ZNF836: variants seen among roughly 807,000 people sequenced by gnomAD.
ZNF836 encodes zinc finger protein 836.
Under a neutral mutation model 7.4 loss-of-function variants are expected in ZNF836, and 12 were observed. The observed-to-expected ratio is 1.61, with a 90% CI of 1.03 to 2.61. The LOEUF (loss-of-function observed/expected upper bound fraction) is 2.61. Ranked by LOEUF, ZNF836 falls within the 30% of genes most tolerant of loss-of-function variation. The pLI is 0.00. For synonymous variants in ZNF836, 365 were observed against 382.6 expected (o/e 0.95, Z 0.54); for missense variants, 998 against 1,126.2 (o/e 0.89, Z 1.63).
At position 52,155,062 on chromosome 19, in the gene ZNF836, A is replaced by C. The variant is rs779067655; in HGVS notation, c.2621T>G (p.Phe874Cys). Residue 874 changes from phenylalanine (F) to cysteine (C), a missense_variant, in exon 5 of 5, where the codon TTT becomes TGT. Phe to Cys is a radical substitution (Grantham distance 205, BLOSUM62 -2). Transcript: ENST00000682614. The part of the protein sequence containing the change: ...CIECGKAFGR[F>C]SCLNKHQMIH... The stretch of plus-strand genomic sequence containing the variant: ...CATTTGGTGTTTGTTGAGGCAAGAA[A>C]ACCGCCCAAAGGCCTTGCCACATTC... 5.0e-6 allele frequency: 8 copies of C among 1,614,036 alleles called. No homozygotes were observed. Among genetic ancestry groups the C allele is most frequent in the Admixed American group, 3.3e-5 (2 of 59,986 alleles).
At chr19:52,160,169 C>T (rs1004864689) in intron 4 of ZNF836, among the ~76,000 whole-genome samples, 4 of 140,938 alleles carry the variant, frequency 2.8e-5, no homozygotes, top group African/African-American at 1.1e-4. Context: ...GGAGACAAAG[C>T]TAGACTCTGT....
chr19:52,162,915 G>T (rs918111402), intron 3 of ZNF836, among the ~76,000 whole-genome samples: 2 of 152,164 alleles, frequency 1.3e-5, no homozygotes, highest in Non-Finnish European at 2.9e-5. Context: ...AGTTGATCAC[G>T]ATCCCTTTGG....
At chr19:52,160,641 A>G (rs1220979243) in intron 3 of ZNF836, 50 bp from the exon 4 acceptor site, 3 of 1,544,218 alleles carry the variant, frequency 1.9e-6, no homozygotes, top group African/African-American at 2.8e-5. Flanking sequence ...GCTCTTATCT[A>G]TACATAAAAT....
chr19:52,164,515 CTA>C (rs1175697335), intron 3 of ZNF836, among the ~76,000 whole-genome samples: 28 of 138,840 alleles, frequency 2.0e-4, no homozygotes, highest in African/African-American at 7.3e-4. Flanking sequence ...GAAAGAAAGA[CTA>C]GAGCTAAAAA....
intron 3 of ZNF836, among the ~76,000 whole-genome samples, chr19:52,166,295 C>T (rs769125607): frequency 4.0e-5 from 6 of 151,720 alleles, no homozygotes; most frequent in Non-Finnish European, 7.4e-5. Context: ...TGGCCAATGT[C>T]CTTTTTTAAG....
At position 52,155,456 on chromosome 19, in the gene ZNF836, T is replaced by C; in HGVS notation, c.2227A>G (p.Arg743Gly). Residue 743 changes from arginine (R) to glycine (G), a missense_variant, in exon 5 of 5, where the codon AGG (arginine) becomes GGG (glycine). Arg to Gly is a moderately radical substitution (Grantham distance 125). Transcript: ENST00000682614. ...HITGLTYHQR[R>G]HTGEMPYKCI... The stretch of plus-strand genomic sequence containing the variant: ...TTGTATGGCATCTCTCCAGTATGCC[T>C]TCTCTGATGGTACGTCAGGCCTGTT... The C allele has an allele frequency of 6.2e-7, 1 of 1,614,120 alleles. No individual in the cohort carries two copies. The highest frequency in any genetic ancestry group is 1.1e-5 in the South Asian group (1 of 91,086).
chr19:52,160,834 G>C (rs149608309), intron 3 of ZNF836, among the ~76,000 whole-genome samples: 1 of 152,160 alleles, frequency 6.6e-6, no homozygotes, highest in Non-Finnish European at 1.5e-5. Flanking sequence ...AATATACAAA[G>C]AAATGAACAC....
intron 4 of ZNF836, among the ~76,000 whole-genome samples, chr19:52,158,400 TAA>T (rs1293712425): frequency 6.6e-6 from 1 of 152,128 alleles, no homozygotes; most frequent in East Asian, 1.9e-4. Flanking sequence ...GTTATAACAC[TAA>T]GTTATTTTTC....
chr19:52,166,719 C>A (rs555036568), intron 3 of ZNF836, among the ~76,000 whole-genome samples: 1 of 151,614 alleles, frequency 6.6e-6, no homozygotes, highest in South Asian at 2.1e-4. Flanking sequence ...GACTACAGGC[C>A]CCCGCCACCA....
At position 52,155,302 on chromosome 19, in the gene ZNF836, G is replaced by A; in HGVS notation, c.2381C>T (p.Ala794Val). The A allele has an allele frequency of 1.2e-6, 2 of 1,614,016 alleles. No individual in the cohort carries two copies. The highest frequency in any genetic ancestry group is 1.7e-6 in the Non-Finnish European group (2 of 1,180,010). The change falls in exon 5 of 5, where the codon GCA becomes GTA. Residue 794 changes from alanine (A) to valine (V), a missense_variant. Coordinates refer to ENST00000682614, the MANE Select transcript of ZNF836 (RefSeq NM_001102657.3). ...GKVFRHQSTL[A>V]RHRSIHTGEK... Reference sequence around the variant, plus strand: ...TCCAGTATGAATACTCCGATGACGTGCTAGTGTTGATTGATGACGAAAGAC... The same window carrying A: ...TCCAGTATGAATACTCCGATGACGTACTAGTGTTGATTGATGACGAAAGAC...
rs1160692928 is a variant in ZNF836 at position 52,157,593 on chromosome 19, CAG to C, written c.143-55_143-54del. Reference sequence around the variant, plus strand: ...TTTTCGTTGGTTTTTTTTTTTGAGACAGAGTCTTGCTCTGTTGCCCAGGCTGG... The same window carrying C: ...TTTTCGTTGGTTTTTTTTTTTGAGACAGTCTTGCTCTGTTGCCCAGGCTGG... On this transcript the variant is annotated intron_variant, in intron 4 of 4. Coordinates refer to ENST00000682614, the MANE Select transcript of ZNF836 (RefSeq NM_001102657.3). 7 of 1,419,942 alleles carry C rather than the reference CAG, an allele frequency of 4.9e-6. No individual in the cohort carries two copies. The African/African-American group carries it at 5.8e-5, about 12-fold the overall frequency. 88.0% of individuals were successfully genotyped at this position (1,419,942 alleles called of 1,614,324 possible).
chr19:52,158,867 T>C (rs974940542), intron 4 of ZNF836, among the ~76,000 whole-genome samples: 4 of 152,246 alleles, frequency 2.6e-5, no homozygotes, highest in African/African-American at 9.6e-5. Context: ...GTTGGGGTCC[T>C]AATCCTCAAT....
At chr19:52,163,949 T>G (rs1334558036) in intron 3 of ZNF836, among the ~76,000 whole-genome samples, 1 of 151,634 alleles carries the variant, frequency 6.6e-6, no homozygotes, top group Non-Finnish European at 1.5e-5. Context: ...GTGTGTGTTG[T>G]TGTTGTTTTA....
Position 52,156,364 on chromosome 19 carries a change from T to G in ZNF836, c.1319A>C (p.Lys440Thr), listed in dbSNP as rs1210906616. Residue 440 changes from lysine (K) to threonine (T), a missense_variant, in exon 5 of 5, where the codon AAA becomes ACA. Physicochemically the swap from Lys to Thr is moderately conservative, Grantham distance 78. Coordinates refer to ENST00000682614, the MANE Select transcript of ZNF836 (RefSeq NM_001102657.3). ...GTCGCATACATCACATGTATATGGT[T>G]TCTCTCCTGTATGGATTATCTGATG... The part of the protein sequence containing the change: ...TTHQIIHTGE[K>T]PYTCDVCDKV... 3 of 1,614,226 alleles carry G rather than the reference T, an allele frequency of 1.9e-6. No homozygotes were observed. Among genetic ancestry groups the G allele is most frequent in the Non-Finnish European group, 2.5e-6 (3 of 1,180,042 alleles).
intron 3 of ZNF836, among the ~76,000 whole-genome samples, chr19:52,164,121 T>C (rs2089238622): frequency 6.6e-6 from 1 of 151,264 alleles, no homozygotes; most frequent in South Asian, 2.1e-4. Flanking sequence ...CCGGGTGCAG[T>C]GGCTCACGAC....
intron 3 of ZNF836, 84 bp downstream of exon 3, chr19:52,167,974 A>G (rs1047712556): frequency 2.9e-6 from 3 of 1,028,842 alleles, no homozygotes; most frequent in Non-Finnish European, 4.5e-6. Context: ...AGGATGCTTC[A>G]GACTCAGAGG....
intron 3 of ZNF836, among the ~76,000 whole-genome samples, chr19:52,164,146 C>CT (rs1052145036): frequency 6.6e-6 from 1 of 151,700 alleles, no homozygotes; most frequent in Non-Finnish European, 1.5e-5. Flanking sequence ...AATCCCAGCA[C>CT]TTTGGGGAGC....
At chr19:52,169,033 G>A (rs959826558) in intron 2 of ZNF836, among the ~76,000 whole-genome samples, 7 of 152,146 alleles carry the variant, frequency 4.6e-5, no homozygotes, top group African/African-American at 9.7e-5. Context: ...GGAATCTAAC[G>A]TACACCGTGG....
chr19:52,168,291 A>C, intron 2 of ZNF836, 139 bp from the exon 3 acceptor site: 1 of 557,410 alleles, frequency 1.8e-6, no homozygotes, highest in Non-Finnish European at 3.1e-6. Context: ...ATAAATTCCT[A>C]AACAAAGACC....
Sources: gnomAD v4.1 joint callset for allele counts (sites outside exome capture counted in the v4.1 genomes callset) on GRCh38, gnomAD v4.1.1 for gene constraint, MANE v1.5 for transcripts, NCBI Gene and HGNC (gene_info 2026-07-23, HGNC 2026-07-21) for gene names.